Variants in EYA4 observed in about 807,000 individuals in gnomAD.
EYA4 encodes the protein EYA transcriptional coactivator and phosphatase 4.
Under a neutral mutation model 87.9 loss-of-function variants are expected in EYA4, and 31 were observed. That is an observed-to-expected ratio of 0.35 (90% CI 0.27 to 0.48). The LOEUF (loss-of-function observed/expected upper bound fraction) is 0.48. Ranked by LOEUF, EYA4 falls within the 20% of genes least tolerant of loss-of-function variation. The probability of loss-of-function intolerance (pLI) is 0.99; values close to 1 mark genes in which losing one functional copy is unlikely to be tolerated. For missense variants in EYA4, 678 were observed against 761.4 expected, an observed-to-expected ratio of 0.89 and a Z score of 1.29; for synonymous variants, 263 against 270.6, an observed-to-expected ratio of 0.97 and a Z score of 0.28.
At chr6:133,332,035 T>TA (rs1307057640) in intron 2 of EYA4, among the ~76,000 whole-genome samples, 17 of 152,316 alleles carry the variant, frequency 1.1e-4, no homozygotes, top group Middle Eastern at 6.8e-3. Context: ...TCAGTGGACT[T>TA]ACTTATAATT....
chr6:133,287,766 C>A (rs1391533491), intron 2 of EYA4, among the ~76,000 whole-genome samples: 1 of 152,118 alleles, frequency 6.6e-6, no homozygotes, highest in African/African-American at 2.4e-5. Context: ...AGGGAGATTA[C>A]TGAAGGTGGG....
At chr6:133,407,644 A>G (rs996380715) in intron 3 of EYA4, among the ~76,000 whole-genome samples, 3 of 152,156 alleles carry the variant, frequency 2.0e-5, no homozygotes, top group African/African-American at 7.2e-5. Context: ...AATTCAATTA[A>G]GTTGAGCCCA....
rs918550853 is a variant in EYA4, at chr6:133,528,892, A to C, written c.*87A>C. Reference sequence around the variant, plus strand: ...ATTCAATGCCTCTGGCTCTACACATATAAATTGTCTTAATGGATGAAATCA... The same window carrying C: ...ATTCAATGCCTCTGGCTCTACACATCTAAATTGTCTTAATGGATGAAATCA... On this transcript the variant is annotated 3_prime_UTR_variant, in exon 20 of 20. Transcript: ENST00000355286. 13 of 1,607,082 alleles carry C rather than the reference A, an allele frequency of 8.1e-6. No individual in the cohort carries two copies. The African/African-American group carries it at 1.7e-4, about 22-fold the overall frequency.
chr6:133,432,372 A>G (rs1404139329), intron 3 of EYA4, among the ~76,000 whole-genome samples: 2 of 152,146 alleles, frequency 1.3e-5, no homozygotes, highest in African/African-American at 2.4e-5. Context: ...GGCACTGAAC[A>G]CAGGGCTGAG....
intron 6 of EYA4, among the ~76,000 whole-genome samples, chr6:133,460,567 G>A (rs1794290028): frequency 6.6e-6 from 1 of 152,088 alleles, no homozygotes; most frequent in South Asian, 2.1e-4. Flanking sequence ...AATTATTACT[G>A]GAATATTTTA....
At chr6:133,249,483 T>C (rs1293048901) in intron 1 of EYA4, among the ~76,000 whole-genome samples, 2 of 152,230 alleles carry the variant, frequency 1.3e-5, no homozygotes, top group Non-Finnish European at 2.9e-5. Context: ...ATTTGCCTGC[T>C]GCCTATAGGG....
intron 13 of EYA4, among the ~76,000 whole-genome samples, chr6:133,487,634 C>T (rs1796792336): frequency 6.6e-6 from 1 of 152,140 alleles, no homozygotes; most frequent in South Asian, 2.1e-4. Context: ...CTGAAGGAAG[C>T]TTGCTTCCTT....
chr6:133,334,989 C>A (rs1478003569), intron 2 of EYA4, among the ~76,000 whole-genome samples: 1 of 152,154 alleles, frequency 6.6e-6, no homozygotes. Context: ...CATCAAAGTG[C>A]TAATTGACCA....
intron 2 of EYA4, among the ~76,000 whole-genome samples, chr6:133,340,708 G>A (rs1782717155): frequency 4.6e-5 from 7 of 152,184 alleles, no homozygotes; most frequent in Admixed American, 4.6e-4. Context: ...GAGGTCAGAG[G>A]GAGTGGTGAA....
chr6:133,390,424 C>T (rs568326075), intron 3 of EYA4, among the ~76,000 whole-genome samples: 1 of 152,262 alleles, frequency 6.6e-6, no homozygotes, highest in African/African-American at 2.4e-5. Context: ...GTTTTGTCAT[C>T]CTGGCCAGGC....
At chr6:133,414,470 G>C (rs1220418946) in intron 3 of EYA4, among the ~76,000 whole-genome samples, 1 of 152,080 alleles carries the variant, frequency 6.6e-6, no homozygotes, top group African/African-American at 2.4e-5. Context: ...ACTAGACTTT[G>C]AGCTTCTCAT....
intron 3 of EYA4, among the ~76,000 whole-genome samples, chr6:133,419,453 G>A (rs76008123): frequency 0.015 from 2,345 of 152,184 alleles, 66 homozygotes; most frequent in African/African-American, 0.051. Context: ...CAGCCTTTAT[G>A]ATATGTCTTC....
intron 14 of EYA4, among the ~76,000 whole-genome samples, chr6:133,509,171 A>C (rs76403591): frequency 6.6e-6 from 1 of 152,132 alleles, no homozygotes; most frequent in African/African-American, 2.4e-5. Context: ...AGTTACATAC[A>C]TAGCGCCCTA....
chr6:133,253,373 C>CA (rs1318045316), intron 1 of EYA4, among the ~76,000 whole-genome samples: 1 of 151,976 alleles, frequency 6.6e-6, no homozygotes, highest in Non-Finnish European at 1.5e-5. Flanking sequence ...GGAGAACGGC[C>CA]AAAAACCCAG....
At chr6:133,469,293 T>A (rs1795125692) in intron 11 of EYA4, among the ~76,000 whole-genome samples, 1 of 152,080 alleles carries the variant, frequency 6.6e-6, no homozygotes, top group South Asian at 2.1e-4. Context: ...TAAAAGCAAA[T>A]GTAACAGAGA....
intron 19 of EYA4, among the ~76,000 whole-genome samples, chr6:133,527,760 T>C (rs1463259878): frequency 6.6e-6 from 1 of 152,194 alleles, no homozygotes; most frequent in African/African-American, 2.4e-5. Context: ...AAATAAAATA[T>C]CTTTTGCATG....
At chr6:133,525,998 T>A (rs1800603130) in intron 19 of EYA4, 1 of 698,694 alleles carries the variant, frequency 1.4e-6, no homozygotes. Context: ...ATTCAGAAGA[T>A]CCCATGGGCC....
chr6:133,340,527 GGTGTTTATACAGAGA>G (rs1484999000), intron 2 of EYA4, among the ~76,000 whole-genome samples: 3 of 152,146 alleles, frequency 2.0e-5, no homozygotes, highest in African/African-American at 7.2e-5. Flanking sequence ...TTGATAAGGT[GGTGTTTATACAGAGA>G]CTTCATAGAC....
chr6:133,393,731 G>A (rs756930051), intron 3 of EYA4, among the ~76,000 whole-genome samples: 18 of 152,098 alleles, frequency 1.2e-4, no homozygotes, highest in Non-Finnish European at 2.1e-4. Flanking sequence ...TCAAATAAAT[G>A]TCTTGGACTA....
Sources: allele counts gnomAD v4.1 joint callset (sites outside exome capture counted in the v4.1 genomes callset), GRCh38; gene constraint gnomAD v4.1.1; transcripts MANE v1.5; gene names NCBI Gene and HGNC (gene_info 2026-07-23, HGNC 2026-07-21).